The following SH3RF3 variants were observed in gnomAD, a reference collection of about 807,000 sequenced individuals.
The protein encoded by SH3RF3 is SH3 domain containing ring finger 3, also known as E3 ubiquitin-protein ligase SH3RF3.
A neutral mutation model predicts 66.3 loss-of-function variants in SH3RF3; 29 were observed. That is an observed-to-expected ratio of 0.44 (90% confidence interval 0.33 to 0.60). The LOEUF is 0.60. Ranked by LOEUF, SH3RF3 falls within the 20% of genes least tolerant of loss-of-function variation. The pLI is 0.04. For missense variants in SH3RF3, 1,194 were observed against 1,190.9 expected (o/e 1.00, Z -0.04); for synonymous variants, 583 against 532.0 (o/e 1.10, Z -1.32).
intron 1 of SH3RF3, among the ~76,000 whole-genome samples, chr2:109,329,728 A>G (rs1682241258): frequency 6.6e-6 from 1 of 152,246 alleles, no homozygotes; most frequent in African/African-American, 2.4e-5. Flanking sequence ...GGAAGGTGAA[A>G]TGAATTGCAG....
At chr2:109,475,372 A>G (rs1678657605) in intron 8 of SH3RF3, among the ~76,000 whole-genome samples, 1 of 152,180 alleles carries the variant, frequency 6.6e-6, no homozygotes, top group Non-Finnish European at 1.5e-5. Flanking sequence ...AAGCAAACCC[A>G]CGCAAAGTGG....
chr2:109,131,498 T>C (rs1012209693), intron 1 of SH3RF3, among the ~76,000 whole-genome samples: 1 of 152,236 alleles, frequency 6.6e-6, no homozygotes, highest in African/African-American at 2.4e-5. Context: ...TGATAAATTA[T>C]GTGATATTCG....
intron 1 of SH3RF3, among the ~76,000 whole-genome samples, chr2:109,217,562 T>A (rs1487637545): frequency 6.6e-6 from 1 of 152,188 alleles, no homozygotes; most frequent in Non-Finnish European, 1.5e-5. Flanking sequence ...TTCCGGCAGA[T>A]TTTTCTCTAC....
chr2:109,321,179 C>T (rs2105459355), intron 1 of SH3RF3, among the ~76,000 whole-genome samples: 1 of 152,372 alleles, frequency 6.6e-6, no homozygotes, highest in South Asian at 2.1e-4. Context: ...TTCTTTGCAG[C>T]TCTTCACATT....
At chr2:109,426,008 C>A (rs927416612) in intron 5 of SH3RF3, among the ~76,000 whole-genome samples, 1 of 152,198 alleles carries the variant, frequency 6.6e-6, no homozygotes, top group Non-Finnish European at 1.5e-5. Flanking sequence ...AGCCATTCTC[C>A]TGCCTCAGCC....
At chr2:109,277,712 G>T (rs1159114891) in intron 1 of SH3RF3, among the ~76,000 whole-genome samples, 3 of 152,232 alleles carry the variant, frequency 2.0e-5, no homozygotes, top group African/African-American at 4.8e-5. Context: ...CAGGTGTATT[G>T]TGACAACAAG....
intron 4 of SH3RF3, among the ~76,000 whole-genome samples, chr2:109,417,137 G>A (rs1171237832): frequency 6.6e-6 from 1 of 152,190 alleles, no homozygotes; most frequent in Non-Finnish European, 1.5e-5. Flanking sequence ...TTCTTCAGTG[G>A]CCACAAGGAG....
At chr2:109,328,239 G>A (rs1412143745) in intron 1 of SH3RF3, among the ~76,000 whole-genome samples, 1 of 152,136 alleles carries the variant, frequency 6.6e-6, no homozygotes, top group East Asian at 1.9e-4. Context: ...TGCTTGTTTT[G>A]TTCAAACCTG....
chr2:109,276,474 C>T (rs1269373832), intron 1 of SH3RF3, among the ~76,000 whole-genome samples: 2 of 152,122 alleles, frequency 1.3e-5, no homozygotes, highest in Non-Finnish European at 2.9e-5. Flanking sequence ...AAGCTTTAGC[C>T]CAGGTGTCGC....
At chr2:109,360,481 A>G (rs920714824) in intron 2 of SH3RF3, among the ~76,000 whole-genome samples, 5 of 152,232 alleles carry the variant, frequency 3.3e-5, no homozygotes, top group Non-Finnish European at 7.3e-5. Context: ...TATAAGGTAT[A>G]TATAAAACAC....
chr2:109,432,531 G>A lies in SH3RF3; in HGVS notation c.1434G>A (p.Gln478=). 6.2e-7 allele frequency: 1 copy of A among 1,613,666 alleles called. No individual in the cohort carries two copies. The highest frequency in any genetic ancestry group is 1.1e-5 in the South Asian group (1 of 90,938). The part of the protein sequence containing the change: ...VYLALYAYKP[Q]KSDELELHKG... ...TGGCGCTCTACGCCTACAAGCCCCA[G>A]AAGAGTGACGAGCTGGAGCTGCACA... The change falls in exon 6 of 10, where the codon CAG becomes CAA. Residue 478 remains glutamine, a synonymous_variant. Coordinates refer to ENST00000309415, the MANE Select transcript of SH3RF3 (RefSeq NM_001099289.3).
chr2:109,170,008 A>G (rs564163535), intron 1 of SH3RF3, among the ~76,000 whole-genome samples: 10 of 152,302 alleles, frequency 6.6e-5, no homozygotes, highest in African/African-American at 2.4e-4. Flanking sequence ...TTTCCTGAAT[A>G]GTCCTTTATC....
In SH3RF3 at chr2:109,419,454, G is replaced by T. The variant is rs73955583; in HGVS notation, c.1300-85G>T. 1,969 of 1,382,268 alleles carry T rather than the reference G, an allele frequency of 1.4e-3. 21 individuals are homozygous for T. The African/African-American group carries it at 0.022, about 16-fold the overall frequency. 85.6% of individuals were successfully genotyped at this position (1,382,268 alleles called of 1,614,324 possible). A position where few individuals can be genotyped will look rare whatever the true frequency, so the allele number is the denominator to read the frequency against. On this transcript the variant is annotated intron_variant, in intron 4 of 9. Coordinates refer to ENST00000309415, the MANE Select transcript of SH3RF3 (RefSeq NM_001099289.3). ...GGCAGCTGGCGAAGCACAGGCACCT[G>T]TGGATGCAGCCTCATTTTGCTTTTC...
At chr2:109,139,759 A>G (rs1676896926) in intron 1 of SH3RF3, among the ~76,000 whole-genome samples, 1 of 152,262 alleles carries the variant, frequency 6.6e-6, no homozygotes, top group Admixed American at 6.5e-5. Flanking sequence ...GCTATGGGTC[A>G]GCAGCCCATT....
chr2:109,172,657 T>C (rs929966046), intron 1 of SH3RF3, among the ~76,000 whole-genome samples: 5 of 152,182 alleles, frequency 3.3e-5, no homozygotes, highest in African/African-American at 1.2e-4. Flanking sequence ...AGCAATTGTT[T>C]GGGATCTGAT....
At chr2:109,420,010 C>G (rs1225199202) in intron 5 of SH3RF3, among the ~76,000 whole-genome samples, 3 of 152,152 alleles carry the variant, frequency 2.0e-5, no homozygotes, top group African/African-American at 7.2e-5. Context: ...AGCGGGTAGT[C>G]TAGGAGCTTG....
At chr2:109,498,320 G>A (rs1679305225) in intron 9 of SH3RF3, among the ~76,000 whole-genome samples, 1 of 152,138 alleles carries the variant, frequency 6.6e-6, no homozygotes, top group African/African-American at 2.4e-5. Flanking sequence ...CCAGGAGTAG[G>A]AACACTGCAC....
rs1558938105 is a variant in SH3RF3 at position 109,170,242 on chromosome 2, CTT to C, written c.573+40132_573+40133del. Among the ~76,000 whole-genome samples, 85 of 9,800 alleles carry C rather than the reference CTT, an allele frequency of 8.7e-3. 2 individuals carry two copies. Among genetic ancestry groups the C allele is most frequent in the African/African-American group, 0.018 (58 of 3,304 alleles). The allele number at this position is 9,800 out of a possible 152,430, so 6.4% of individuals were successfully genotyped here. A position where few individuals can be genotyped will look rare whatever the true frequency, so the allele number is the denominator to read the frequency against. On this transcript the variant is annotated intron_variant, in intron 1 of 9. Coordinates refer to ENST00000309415, the MANE Select transcript of SH3RF3 (RefSeq NM_001099289.3). Reference sequence around the variant, plus strand: ...TTTTTCTCTTCTCTTCTCTTCTTTTCTTTTCTCTTCTCTTCTCTTCTCTTCTC... The same window carrying C: ...TTTTTCTCTTCTCTTCTCTTCTTTTCTTCTCTTCTCTTCTCTTCTCTTCTC...
intron 1 of SH3RF3, among the ~76,000 whole-genome samples, chr2:109,224,558 G>T (rs1171375498): frequency 2.0e-5 from 3 of 152,158 alleles, no homozygotes; most frequent in African/African-American, 7.2e-5. Flanking sequence ...TCAGGAAGTG[G>T]CTTTTAAAAT....
Sources: allele counts gnomAD v4.1 joint callset (sites outside exome capture counted in the v4.1 genomes callset), GRCh38; gene constraint gnomAD v4.1.1; transcripts MANE v1.5; gene names NCBI Gene and HGNC (gene_info 2026-07-23, HGNC 2026-07-21).